Variants in CADM1 observed in about 807,000 individuals in gnomAD.
The protein encoded by CADM1 is TSLC-1.
A neutral mutation model predicts 53.1 loss-of-function variants in CADM1; 15 were observed. The ratio of observed to expected loss-of-function variants is 0.28; its 90% CI spans 0.19 to 0.44. The LOEUF (loss-of-function observed/expected upper bound fraction) is 0.44. Ranked by LOEUF, CADM1 falls within the 20% of genes least tolerant of loss-of-function variation. The pLI is 1.00. For synonymous variants in CADM1, 281 were observed against 243.0 expected (o/e 1.16, Z -1.45); for missense variants, 434 against 611.3 (o/e 0.71, Z 3.06).
intron 8 of CADM1, among the ~76,000 whole-genome samples, chr11:115,206,839 A>C (rs2134720815): frequency 8.0e-6 from 1 of 124,986 alleles, no homozygotes; most frequent in African/African-American, 3.0e-5. Flanking sequence ...TGCAGCTTTT[A>C]AGGCTAATGG....
At position 115,209,786 on chromosome 11, in the gene CADM1, CT is replaced by C. The variant is rs1459570116; in HGVS notation, c.995-130del. The C allele has an allele frequency of 2.8e-6, 3 of 1,082,124 alleles. No individual in the cohort carries two copies. In the African/African-American group the frequency reaches 4.7e-5, roughly 17 times the overall value. 67.0% of individuals were successfully genotyped at this position (1,082,124 alleles called of 1,614,324 possible). A position where few individuals can be genotyped will look rare whatever the true frequency, so the allele number is the denominator to read the frequency against. Reference sequence around the variant, plus strand: ...GCTTCCCCCTTTAAAACCAAAAGTTCTTTCCCTGCAAGATTTATGTCTTGTA... The same window carrying C: ...GCTTCCCCCTTTAAAACCAAAAGTTCTTCCCTGCAAGATTTATGTCTTGTA... On this transcript the variant is annotated intron_variant, in intron 7 of 11. Transcript: ENST00000331581.
At chr11:115,399,742 G>C (rs1003291725) in intron 1 of CADM1, among the ~76,000 whole-genome samples, 3 of 151,388 alleles carry the variant, frequency 2.0e-5, no homozygotes, top group African/African-American at 7.3e-5. Context: ...CCTTTACCTG[G>C]AACAGTCTAA....
chr11:115,328,136 A>G (rs763547803), intron 1 of CADM1, among the ~76,000 whole-genome samples: 4 of 148,858 alleles, frequency 2.7e-5, no homozygotes, highest in Non-Finnish European at 4.5e-5. Flanking sequence ...TTGACCTCCG[A>G]TTTTTTTTTT....
chr11:115,373,583 CAAAAAAA>C (rs35059216), intron 1 of CADM1, among the ~76,000 whole-genome samples: 46 of 48,830 alleles, frequency 9.4e-4, no homozygotes, highest in Non-Finnish European at 9.7e-4. Flanking sequence ...GACTCTGTCT[CAAAAAAA>C]AAAAAAAAAA....
At chr11:115,222,072 C>T (rs1005466346) in intron 5 of CADM1, among the ~76,000 whole-genome samples, 1 of 152,026 alleles carries the variant, frequency 6.6e-6, no homozygotes, top group African/African-American at 2.4e-5. Context: ...TCTGAAACAC[C>T]AAGGAGTATG....
At chr11:115,258,142 C>T (rs903768088) in intron 1 of CADM1, among the ~76,000 whole-genome samples, 1 of 152,168 alleles carries the variant, frequency 6.6e-6, no homozygotes, top group African/African-American at 2.4e-5. Context: ...TGATCATTTC[C>T]ATGAGGACTT....
At chr11:115,394,433 T>C (rs1431958857) in intron 1 of CADM1, among the ~76,000 whole-genome samples, 1 of 151,916 alleles carries the variant, frequency 6.6e-6, no homozygotes, top group East Asian at 1.9e-4. Context: ...AAATCATGTT[T>C]ACAAGAACCA....
intron 1 of CADM1, among the ~76,000 whole-genome samples, chr11:115,449,847 T>C (rs961700101): frequency 6.6e-6 from 1 of 152,216 alleles, no homozygotes; most frequent in Non-Finnish European, 1.5e-5. Context: ...GACATACACA[T>C]GTGCACACAC....
chr11:115,328,716 G>A lies in CADM1; in HGVS notation c.125-88296C>T, dbSNP rs866236098. Among the ~76,000 whole-genome samples, 572 of 58,356 alleles carry A rather than the reference G, an allele frequency of 9.8e-3. 55 individuals are homozygous for A. Among genetic ancestry groups the A allele is most frequent in the African/African-American group, 0.04 (529 of 13,130 alleles). 38.3% of individuals were successfully genotyped at this position (58,356 alleles called of 152,430 possible). A position where few individuals can be genotyped will look rare whatever the true frequency, so the allele number is the denominator to read the frequency against. On this transcript the variant is annotated intron_variant, in intron 1 of 11. Transcript: ENST00000331581. Reference sequence around the variant, plus strand: ...TGTATATATATGTATATATATATGTGTATATATATGTATATACATATATAT... The same window carrying A: ...TGTATATATATGTATATATATATGTATATATATATGTATATACATATATAT...
chr11:115,350,412 G>A (rs879000258), intron 1 of CADM1, among the ~76,000 whole-genome samples: 1 of 152,126 alleles, frequency 6.6e-6, no homozygotes, highest in Admixed American at 6.5e-5. Flanking sequence ...AGGCAGGGAA[G>A]GGGAGAGGTG....
intron 7 of CADM1, 60 bp downstream of exon 7, chr11:115,214,548 C>T: frequency 6.6e-7 from 1 of 1,506,328 alleles, no homozygotes; most frequent in East Asian, 2.3e-5. Flanking sequence ...GAGAGTAAAT[C>T]ACAAGTAGCA....
chr11:115,407,216 T>C (rs1370145738), intron 1 of CADM1, among the ~76,000 whole-genome samples: 1 of 152,202 alleles, frequency 6.6e-6, no homozygotes, highest in Non-Finnish European at 1.5e-5. Flanking sequence ...ACCTCTTCGC[T>C]GAACTTTTCC....
intron 1 of CADM1, among the ~76,000 whole-genome samples, chr11:115,391,362 A>G (rs1277474329): frequency 6.6e-6 from 1 of 152,246 alleles, no homozygotes; most frequent in Non-Finnish European, 1.5e-5. Flanking sequence ...ATGGTCTTTC[A>G]GACTTGAGTG....
chr11:115,175,236 A>T lies in CADM1; in HGVS notation c.*1238T>A, dbSNP rs1333408632. On this transcript the variant is annotated 3_prime_UTR_variant, in exon 12 of 12. Transcript: ENST00000331581. Reference sequence around the variant, plus strand: ...AGAACAATACCAGCCCTTCTTTTGTACCTCCTGCCTTTGTCAAGCCAAATC... The same window carrying T: ...AGAACAATACCAGCCCTTCTTTTGTTCCTCCTGCCTTTGTCAAGCCAAATC... 1 of 985,570 alleles carries T rather than the reference A, an allele frequency of 1.0e-6. No homozygotes were observed. Among genetic ancestry groups the T allele is most frequent in the Non-Finnish European group, 1.2e-6 (1 of 829,902 alleles). 61.1% of individuals were successfully genotyped at this position (985,570 alleles called of 1,614,324 possible). A position where few individuals can be genotyped will look rare whatever the true frequency, so the allele number is the denominator to read the frequency against.
chr11:115,414,956 G>A (rs1947556996), intron 1 of CADM1, among the ~76,000 whole-genome samples: 1 of 152,102 alleles, frequency 6.6e-6, no homozygotes, highest in Non-Finnish European at 1.5e-5. Context: ...CCTTTTCTAG[G>A]CATCAATTAT....
At chr11:115,335,757 T>C (rs1945251391) in intron 1 of CADM1, among the ~76,000 whole-genome samples, 1 of 152,150 alleles carries the variant, frequency 6.6e-6, no homozygotes, top group African/African-American at 2.4e-5. Context: ...GGTGACACAT[T>C]TCATTATTCA....
intron 1 of CADM1, among the ~76,000 whole-genome samples, chr11:115,322,276 A>G (rs189825881): frequency 1.3e-5 from 2 of 152,376 alleles, no homozygotes; most frequent in African/African-American, 4.8e-5. Context: ...TCAAAGGCTT[A>G]CATATGCAAG....
At chr11:115,469,985 T>G (rs1332965241) in intron 1 of CADM1, among the ~76,000 whole-genome samples, 1 of 152,210 alleles carries the variant, frequency 6.6e-6, no homozygotes, top group Admixed American at 6.5e-5. Flanking sequence ...GGGGCTTTTA[T>G]TTTACCTTCT....
rs59495248 is a variant in CADM1 at position 115,223,973 on chromosome 11, A to AAAGAGAGAGAG, written c.721+5139_721+5140insCTCTCTCTCTT. ...GTATTCCGTTTAAAAAAAAAAAAAA[A>AAAGAGAGAGAG]AGAGAGAGAGAGAGAGAGAGAGACT... is the stretch of plus-strand genomic sequence containing the variant. On this transcript the variant is annotated intron_variant, in intron 5 of 11. Transcript: ENST00000331581. Among the ~76,000 whole-genome samples the AAAGAGAGAGAG allele has an allele frequency of 1.1e-3, 104 of 92,482 alleles. 1 individual carries two copies. The highest frequency in any genetic ancestry group is 0.01 in the East Asian group (30 of 2,910). 60.7% of individuals were successfully genotyped at this position (92,482 alleles called of 152,430 possible). A position where few individuals can be genotyped will look rare whatever the true frequency, so the allele number is the denominator to read the frequency against.
Sources: allele counts gnomAD v4.1 joint callset (sites outside exome capture counted in the v4.1 genomes callset), GRCh38; gene constraint gnomAD v4.1.1; transcripts MANE v1.5; gene names NCBI Gene and HGNC (gene_info 2026-07-23, HGNC 2026-07-21).